ANKS3: variants seen among roughly 807,000 people sequenced by gnomAD.
ANKS3 encodes ankyrin repeat and SAM domain-containing protein 3.
Under a neutral mutation model 80.7 loss-of-function variants are expected in ANKS3, and 62 were observed. The ratio of observed to expected loss-of-function variants is 0.77; its 90% CI spans 0.63 to 0.95. The LOEUF (loss-of-function observed/expected upper bound fraction) is 0.95. Ranked by LOEUF, ANKS3 falls within the 40% of genes least tolerant of loss-of-function variation. The pLI, the probability that ANKS3 is intolerant of heterozygous loss-of-function variation, is 0.00. For missense variants in ANKS3, 1,150 were observed against 883.6 expected, an observed-to-expected ratio of 1.30 and a Z score of -3.82; for synonymous variants, 489 against 355.3, an observed-to-expected ratio of 1.38 and a Z score of -4.23.
intron 6 of ANKS3, among the ~76,000 whole-genome samples, chr16:4,715,575 A>G (rs1380628694): frequency 6.6e-6 from 1 of 152,166 alleles, no homozygotes; most frequent in African/African-American, 2.4e-5. Flanking sequence ...CAGCCTGGGC[A>G]ATAGAGCGAG....
At chr16:4,698,214 G>GAGC in intron 14 of ANKS3, 152 bp from the exon 15 acceptor site, 4 of 1,118,942 alleles carry the variant, frequency 3.6e-6, no homozygotes, top group Non-Finnish European at 5.0e-6. Flanking sequence ...CTGCACTAAA[G>GAGC]AGCAGGAGGG....
At chr16:4,731,682 C>T (rs2081624797) in intron 1 of ANKS3, 103 bp from the exon 2 acceptor site, 1 of 621,778 alleles carries the variant, frequency 1.6e-6, no homozygotes, top group Non-Finnish European at 2.0e-6. Context: ...AAAGCAATTC[C>T]CCAACAGACA....
chr16:4,705,790 A>G (rs2080157312), intron 7 of ANKS3, among the ~76,000 whole-genome samples: 1 of 152,108 alleles, frequency 6.6e-6, no homozygotes, highest in African/African-American at 2.4e-5. Context: ...GGGGTTTGCC[A>G]AATTGTTCAT....
intron 3 of ANKS3, among the ~76,000 whole-genome samples, chr16:4,728,931 A>G (rs771141165): frequency 1.4e-4 from 22 of 152,296 alleles, no homozygotes; most frequent in Middle Eastern, 3.4e-3. Flanking sequence ...GAGGGCCACA[A>G]CTTGGGAACC....
Position 4,701,620 on chromosome 16 carries a change from G to C in ANKS3, c.1010-77C>G, listed in dbSNP as rs989439662. The C allele has an allele frequency of 2.5e-5, 32 of 1,301,410 alleles. No homozygotes were observed. In the South Asian group the frequency reaches 2.8e-4, roughly 11 times the overall value. 80.6% of individuals were successfully genotyped at this position (1,301,410 alleles called of 1,614,324 possible). A position where few individuals can be genotyped will look rare whatever the true frequency, so the allele number is the denominator to read the frequency against. The stretch of plus-strand genomic sequence containing the variant: ...GCATGGGCGTGCCCCGGGCTGAGCC[G>C]CCTCCACCAGGGCACTCCTTGGGGC... On this transcript the variant is annotated intron_variant, in intron 9 of 17. Transcript: ENST00000304283.
chr16:4,701,450 G>T lies in ANKS3; in HGVS notation c.1103C>A (p.Ser368Tyr). The change falls in exon 10 of 18, where the codon TCT becomes TAT. Residue 368 changes from serine (S) to tyrosine (Y), a missense_variant. Physicochemically the swap from Ser to Tyr is moderately radical, Grantham distance 144. Coordinates refer to ENST00000304283, the MANE Select transcript of ANKS3 (RefSeq NM_133450.4). ...AATCCGTACCTCGTTGCTCTCCACA[G>T]AAGCTTCGCTGCTGAGCCCCTGGGC... ...ARAQGLSSEA[S>Y]VESNEDSDHA... is the part of the protein sequence containing the mutation. 2.5e-6 allele frequency: 4 copies of T among 1,607,342 alleles called. No individual in the cohort carries two copies. The highest frequency in any genetic ancestry group is 3.4e-6 in the Non-Finnish European group (4 of 1,175,798).
At chr16:4,727,936 T>C (rs2081436030) in intron 3 of ANKS3, 1 of 152,422 alleles carries the variant, frequency 6.6e-6, no homozygotes, top group African/African-American at 2.4e-5. Flanking sequence ...TTACCTGGGA[T>C]CCTACATGGT....
At chr16:4,727,570 G>A (rs1228847458) in intron 3 of ANKS3, 1 of 295,724 alleles carries the variant, frequency 3.4e-6, no homozygotes, top group Non-Finnish European at 6.6e-6. Context: ...ACAGTGTCCA[G>A]GACAGCCCCC....
intron 6 of ANKS3, among the ~76,000 whole-genome samples, chr16:4,716,700 AGGT>A (rs2080818077): frequency 6.6e-6 from 1 of 151,268 alleles, no homozygotes; most frequent in Non-Finnish European, 1.5e-5. Context: ...GGTGGATCAT[AGGT>A]CATGAGTTCG....
At chr16:4,706,577 G>A (rs1225759463) in intron 7 of ANKS3, among the ~76,000 whole-genome samples, 1 of 152,212 alleles carries the variant, frequency 6.6e-6, no homozygotes, top group African/African-American at 2.4e-5. Context: ...TGTTTGCTAT[G>A]ATTATAAACT....
chr16:4,716,195 C>T (rs1005633688), intron 6 of ANKS3, among the ~76,000 whole-genome samples: 4 of 151,368 alleles, frequency 2.6e-5, no homozygotes, highest in African/African-American at 9.7e-5. Context: ...ATCTCTACTA[C>T]AAATACAAAA....
chr16:4,704,074 C>G lies in ANKS3; in HGVS notation c.868+1021G>C, dbSNP rs562525634. Among the ~76,000 whole-genome samples the G allele has an allele frequency of 2.1e-3, 315 of 152,318 alleles. 3 individuals carry two copies. Among genetic ancestry groups the G allele is most frequent in the African/African-American group, 7.3e-3 (304 of 41,570 alleles). ...GAGCCAGTGCTCACAGCTCAGCGGA[C>G]GGGACACGGGCGGGCCCTCATGCTG... On this transcript the variant is annotated intron_variant, in intron 8 of 17. Coordinates refer to ENST00000304283, the MANE Select transcript of ANKS3 (RefSeq NM_133450.4).
chr16:4,713,926 G>T, intron 7 of ANKS3, 125 bp downstream of exon 7: 2 of 1,337,606 alleles, frequency 1.5e-6, no homozygotes. Context: ...GCAGCTGGGG[G>T]AGGCAGAGCC....
At chr16:4,714,322 T>G in intron 6 of ANKS3, 136 bp from the exon 7 acceptor site, 1 of 1,301,430 alleles carries the variant, frequency 7.7e-7, no homozygotes, top group Non-Finnish European at 1.1e-6. Flanking sequence ...CACATCTGCA[T>G]GAGAAAGAGG....
chr16:4,714,907 G>C (rs2080705714), intron 6 of ANKS3, among the ~76,000 whole-genome samples: 2 of 141,554 alleles, frequency 1.4e-5, no homozygotes, highest in South Asian at 4.5e-4. Flanking sequence ...CAGGAGAATT[G>C]CTTGAACCCG....
intron 3 of ANKS3, chr16:4,727,968 C>A (rs945059395): frequency 1.3e-5 from 2 of 152,318 alleles, no homozygotes; most frequent in African/African-American, 4.8e-5. Flanking sequence ...GGCCTTCTTT[C>A]CCTTCCCCAG....
chr16:4,702,558 A>G (rs906391131), intron 8 of ANKS3, among the ~76,000 whole-genome samples: 7 of 152,080 alleles, frequency 4.6e-5, no homozygotes, highest in African/African-American at 1.2e-4. Flanking sequence ...AAACTATACC[A>G]TGAGTGTTCC....
Position 4,697,341 on chromosome 16 carries a change from C to A in ANKS3, c.1886G>T (p.Arg629Leu), listed in dbSNP as rs771922471. 1.9e-6 allele frequency: 3 copies of A among 1,606,334 alleles called. No homozygotes were observed. Among genetic ancestry groups the A allele is most frequent in the East Asian group, 4.5e-5 (2 of 44,714 alleles). The change falls in exon 16 of 18, where the codon CGT (arginine) becomes CTT (leucine). Residue 629 changes from arginine to leucine, a missense_variant. By Grantham distance (102) the Arg-to-Leu change is moderately radical. Coordinates refer to ENST00000304283, the MANE Select transcript of ANKS3 (RefSeq NM_133450.4). ...ELSGALEDRV[R>L]EMGQALCLVT... ...GGTCCCCGGAGACTCACCCATCTCA[C>A]GGACACGGTCCTCCAGGGCTCCCGA...
chr16:4,707,950 A>C (rs1409643478), intron 7 of ANKS3, among the ~76,000 whole-genome samples: 1 of 151,860 alleles, frequency 6.6e-6, no homozygotes, highest in Non-Finnish European at 1.5e-5. Flanking sequence ...GTCCCTACTA[A>C]AAATACAAAA....
Sources: allele counts gnomAD v4.1 joint callset (sites outside exome capture counted in the v4.1 genomes callset), GRCh38; gene constraint gnomAD v4.1.1; transcripts MANE v1.5; gene names NCBI Gene and HGNC (gene_info 2026-07-23, HGNC 2026-07-21).